The following CPOX variants were observed in gnomAD, a reference collection of about 807,000 sequenced individuals.
The protein encoded by CPOX is coproporphyrinogen oxidase.
Under a neutral mutation model 48.9 loss-of-function variants are expected in CPOX, and 24 were observed. The observed-to-expected ratio is 0.49, with a 90% CI of 0.36 to 0.69. CPOX has a LOEUF of 0.69. CPOX is among the 30% of genes least tolerant of loss of function. CPOX has a pLI of 0.00. For synonymous variants in CPOX, 249 were observed against 234.6 expected (o/e 1.06, Z -0.56); for missense variants, 549 against 597.3 (o/e 0.92, Z 0.84).
chr3:98,585,210 G>C (rs1707337830), intron 5 of CPOX, among the ~76,000 whole-genome samples: 1 of 152,160 alleles, frequency 6.6e-6, no homozygotes, highest in African/African-American at 2.4e-5. Flanking sequence ...AATTCAGGAA[G>C]TACTTACTAC....
rs1165419216 is a variant in CPOX, at chr3:98,592,998, C to T, written c.507G>A (p.Gln169=). The T allele has an allele frequency of 1.9e-6, 3 of 1,613,938 alleles. No homozygotes were observed. Among genetic ancestry groups the T allele is most frequent in the Non-Finnish European group, 2.5e-6 (3 of 1,179,948 alleles). ...CAGAAAAGTTGGCGCCCCCGTCTAC[C>T]TGTGCCAGAGCCTGGCACACCTGGG... ...TQAQVCQALA[Q]VDGGANFSVD... is the part of the protein sequence containing the mutation. The change falls in exon 1 of 7, where the codon CAG becomes CAA. Residue 169 remains glutamine (Q), a synonymous_variant. Coordinates refer to ENST00000647941, the MANE Select transcript of CPOX (RefSeq NM_000097.7).
At position 98,591,175 on chromosome 3, in the gene CPOX, A is replaced by G; in HGVS notation, c.557-20T>C. ...CACCTCCTGTGTATAGAAATGTAAAAAAGGAGAGAATGTAAGAGTATGTGC... is the reference window on the plus strand; with the variant it reads ...CACCTCCTGTGTATAGAAATGTAAAGAAGGAGAGAATGTAAGAGTATGTGC... On this transcript the variant is annotated intron_variant, in intron 1 of 6. Coordinates refer to ENST00000647941, the MANE Select transcript of CPOX (RefSeq NM_000097.7). The G allele has an allele frequency of 1.2e-6, 2 of 1,614,128 alleles. No individual in the cohort carries two copies. The highest frequency in any genetic ancestry group is 1.7e-6 in the Non-Finnish European group (2 of 1,179,970).
intron 1 of CPOX, among the ~76,000 whole-genome samples, chr3:98,592,702 C>G (rs906038579): frequency 1.6e-4 from 24 of 152,078 alleles, no homozygotes; most frequent in African/African-American, 5.8e-4. Context: ...AATGCTGCTA[C>G]GGAATTGCAA....
chr3:98,591,542 A>G (rs1465453830), intron 1 of CPOX, among the ~76,000 whole-genome samples: 2 of 152,208 alleles, frequency 1.3e-5, no homozygotes, highest in African/African-American at 2.4e-5. Flanking sequence ...TGAATTTAAG[A>G]GATCTATATT....
chr3:98,580,615 G>A lies in CPOX; in HGVS notation c.*68C>T, dbSNP rs2107112482. 3 of 1,610,464 alleles carry A rather than the reference G, an allele frequency of 1.9e-6. No individual in the cohort carries two copies. In the South Asian group the frequency reaches 3.3e-5, roughly 18 times the overall value. Reference sequence around the variant, plus strand: ...GGTAACTGCCACACAGTGGCAAAGTGCCGACCAGTGGCATGGGGAGCACAC... The same window carrying A: ...GGTAACTGCCACACAGTGGCAAAGTACCGACCAGTGGCATGGGGAGCACAC... On this transcript the variant is annotated 3_prime_UTR_variant, in exon 7 of 7. Transcript: ENST00000647941.
downstream of CPOX, among the ~76,000 whole-genome samples, chr3:98,577,763 G>A (rs1707184054): frequency 2.0e-5 from 3 of 152,306 alleles, no homozygotes; most frequent in East Asian, 1.9e-4. Flanking sequence ...CATAGGCAAT[G>A]CAGCCTGCAG....
chr3:98,585,018 T>C (rs1426331663), intron 5 of CPOX, among the ~76,000 whole-genome samples: 3 of 152,180 alleles, frequency 2.0e-5, no homozygotes, highest in South Asian at 2.1e-4. Context: ...AAATGCCTAA[T>C]GTAGAGGCCA....
In CPOX at chr3:98,593,221, T is replaced by A. The variant is rs192332456; in HGVS notation, c.284A>T (p.His95Leu). 6.4e-7 allele frequency: 1 copy of A among 1,572,164 alleles called. No individual in the cohort carries two copies. Among genetic ancestry groups the A allele is most frequent in the Non-Finnish European group, 8.6e-7 (1 of 1,160,010 alleles). ...AGGCAACATCTCCGCCCGCTGCACA[T>A]GCCCGAAGGCGGCGGTGGCCAGCCC... ...LVGLATAAFG[H>L]VQRAEMLPKT... The change falls in exon 1 of 7, where the codon CAT becomes CTT. Residue 95 changes from histidine to leucine, a missense_variant. His to Leu is a moderately conservative substitution (Grantham distance 99). Coordinates refer to ENST00000647941, the MANE Select transcript of CPOX (RefSeq NM_000097.7).
intron 2 of CPOX, 55 bp from the exon 3 acceptor site, chr3:98,590,797 T>TA: frequency 7.5e-7 from 1 of 1,327,042 alleles, no homozygotes; most frequent in Non-Finnish European, 1.1e-6. Context: ...AATGCCTTGA[T>TA]ACAATTTCAC....
At chr3:98,570,983 T>C in the CPOX span, among the ~76,000 whole-genome samples, 1 of 152,278 alleles carries the variant, frequency 6.6e-6, no homozygotes, top group South Asian at 2.1e-4. Context: ...GGTTATTTTA[T>C]CTTCACTCAA....
chr3:98,570,917 C>T, the CPOX span, among the ~76,000 whole-genome samples: 5 of 152,166 alleles, frequency 3.3e-5, no homozygotes, highest in Non-Finnish European at 5.9e-5. Context: ...TATGGCCTAG[C>T]TTTGCATCTT....
downstream of CPOX, among the ~76,000 whole-genome samples, chr3:98,575,920 A>C (rs1446661344): frequency 6.6e-6 from 1 of 151,932 alleles, no homozygotes; most frequent in Non-Finnish European, 1.5e-5. Context: ...AAATACAAAA[A>C]AATTAGCCGG....
Position 98,593,338 on chromosome 3 carries a change from G to A in CPOX, c.167C>T (p.Thr56Met), listed in dbSNP as rs886058948. 4.1e-5 allele frequency: 56 copies of A among 1,351,966 alleles called. No homozygotes were observed. The highest frequency in any genetic ancestry group is 5.1e-5 in the Non-Finnish European group (54 of 1,064,542). 83.7% of individuals were successfully genotyped at this position (1,351,966 alleles called of 1,614,324 possible). ...GTGCCCCAGCCCGCGGCTCTGCTCC[G>A]TGCCAGCCGGGCCAGGGGGCCGGCA... is the stretch of plus-strand genomic sequence containing the variant. ...RVCRPPGPAGTEQSRGLGHGS... is the reference protein window; with the variant it reads ...RVCRPPGPAGMEQSRGLGHGS... Residue 56 changes from threonine (T) to methionine (M), a missense_variant, in exon 1 of 7, where the codon ACG becomes ATG. By Grantham distance (81) the Thr-to-Met change is moderately conservative (BLOSUM62 -1). This residue lies in a region of CPOX where 336 missense variants were observed against 318.1 expected (regional missense o/e 1.06). Transcript: ENST00000647941.
chr3:98,589,235 C>T (rs1707428673), intron 3 of CPOX, among the ~76,000 whole-genome samples: 1 of 152,158 alleles, frequency 6.6e-6, no homozygotes, highest in South Asian at 2.1e-4. Context: ...AGGAGAATCA[C>T]TTGAACCCAG....
chr3:98,585,413 T>C, intron 5 of CPOX, 28 bp downstream of exon 5: 1 of 1,590,846 alleles, frequency 6.3e-7, no homozygotes, highest in Non-Finnish European at 8.6e-7. Context: ...CACTTAGCCA[T>C]GAAAGAATTC....
chr3:98,584,486 A>T (rs1417146514), intron 5 of CPOX, among the ~76,000 whole-genome samples: 1 of 152,258 alleles, frequency 6.6e-6, no homozygotes, highest in African/African-American at 2.4e-5. Context: ...ACAGGCAGTC[A>T]TAAGAAAGGA....
At position 98,593,188 on chromosome 3, in the gene CPOX, G is replaced by A. The variant is rs757837520; in HGVS notation, c.317C>T (p.Ser106Leu). The part of the protein sequence containing the change: ...VQRAEMLPKT[S>L]GTRATSLGRP... ...CCCCAGCGAAGTGGCCCGCGTCCCC[G>A]AGGTCTTAGGCAACATCTCCGCCCG... Residue 106 changes from serine to leucine, a missense_variant, in exon 1 of 7, where the codon TCG becomes TTG. Ser to Leu is a moderately radical substitution (Grantham distance 145). Transcript: ENST00000647941. 1 of 1,606,882 alleles carries A rather than the reference G, an allele frequency of 6.2e-7. No homozygotes were observed. Among genetic ancestry groups the A allele is most frequent in the East Asian group, 2.2e-5 (1 of 44,792 alleles).
intron 4 of CPOX, 189 bp from the exon 5 acceptor site, chr3:98,585,848 G>A (rs897698289): frequency 1.4e-4 from 87 of 634,576 alleles, no homozygotes; most frequent in Non-Finnish European, 2.2e-4. Flanking sequence ...CACCAAGGTA[G>A]AAAATGCTTA....
chr3:98,582,584 C>T (rs113826733), intron 5 of CPOX, among the ~76,000 whole-genome samples: 9,484 of 151,942 alleles, frequency 0.062, 404 homozygotes, highest in Non-Finnish European at 0.097. Context: ...GCTCCGCCTC[C>T]GGGGTTCACC....
Sources: allele counts gnomAD v4.1 joint callset (sites outside exome capture counted in the v4.1 genomes callset), GRCh38; gene constraint gnomAD v4.1.1; regional missense constraint gnomAD v4.1.1; transcripts MANE v1.5; gene names NCBI Gene and HGNC (gene_info 2026-07-23, HGNC 2026-07-21).